The following KHDRBS2 variants were observed in gnomAD, a reference collection of about 807,000 sequenced individuals.
KHDRBS2 encodes KH domain-containing, RNA-binding, signal transduction-associated protein 2.
Under a neutral mutation model 44.3 loss-of-function variants are expected in KHDRBS2, and 26 were observed. The observed-to-expected ratio is 0.59, with a 90% CI of 0.43 to 0.81. The LOEUF (loss-of-function observed/expected upper bound fraction) is 0.81, where lower values mean the gene tolerates loss of function less well. KHDRBS2 is among the 40% of genes least tolerant of loss of function. The probability of loss-of-function intolerance (pLI) is 0.00; values close to 1 mark genes in which losing one functional copy is unlikely to be tolerated. For synonymous variants in KHDRBS2, 194 were observed against 151.1 expected, an observed-to-expected ratio of 1.28 and a Z score of -2.08; for missense variants, 476 against 433.1, an observed-to-expected ratio of 1.10 and a Z score of -0.88.
chr6:61,946,667 T>C (rs1813423838), intron 4 of KHDRBS2, among the ~76,000 whole-genome samples: 1 of 152,162 alleles, frequency 6.6e-6, no homozygotes, highest in African/African-American at 2.4e-5. Context: ...TGGCAAGCTA[T>C]GACCATCGCT....
At chr6:61,759,521 AG>A (rs1317930935) in intron 6 of KHDRBS2, among the ~76,000 whole-genome samples, 2 of 152,204 alleles carry the variant, frequency 1.3e-5, no homozygotes, top group South Asian at 2.1e-4. Context: ...TTATTTTTGA[AG>A]GGTTTTTTTT....
chr6:62,071,908 T>C (rs1023110395), intron 2 of KHDRBS2, among the ~76,000 whole-genome samples: 11 of 152,194 alleles, frequency 7.2e-5, no homozygotes, highest in African/African-American at 2.2e-4. Context: ...GGGGATGGCA[T>C]TGAATCTATA....
intron 2 of KHDRBS2, among the ~76,000 whole-genome samples, chr6:62,108,191 C>T (rs900808641): frequency 6.6e-6 from 1 of 152,018 alleles, no homozygotes; most frequent in Non-Finnish European, 1.5e-5. Flanking sequence ...TCGCAACCTA[C>T]TCATCTGACA....
intron 4 of KHDRBS2, among the ~76,000 whole-genome samples, chr6:61,954,444 T>C (rs1196663857): frequency 2.1e-5 from 3 of 144,308 alleles, no homozygotes; most frequent in African/African-American, 7.5e-5. Context: ...TGCATACATA[T>C]ATACGTATGT....
chr6:62,065,975 G>A (rs1223766674), intron 2 of KHDRBS2, among the ~76,000 whole-genome samples: 6 of 151,402 alleles, frequency 4.0e-5, no homozygotes, highest in Admixed American at 1.3e-4. Flanking sequence ...CTTTCATAGA[G>A]ACATCTAAAG....
chr6:61,691,045 T>C (rs1202039763), intron 8 of KHDRBS2, among the ~76,000 whole-genome samples: 2 of 151,988 alleles, frequency 1.3e-5, no homozygotes, highest in Non-Finnish European at 2.9e-5. Flanking sequence ...TCTCCAAAGG[T>C]TGTGATAGAT....
In KHDRBS2 at chr6:61,889,380, C is replaced by T. The variant is rs542356753; in HGVS notation, c.810+5255G>A. On this transcript the variant is annotated intron_variant, in intron 6 of 8. Coordinates refer to ENST00000281156, the MANE Select transcript of KHDRBS2 (RefSeq NM_152688.4). ...CCCAGTGACACTCAGGAATCTCAAA[C>T]TGAACCTTCAACTTCCCTCGTGATA... Among the ~76,000 whole-genome samples, 13 of 152,300 alleles carry T rather than the reference C, an allele frequency of 8.5e-5. No individual in the cohort carries two copies. The South Asian group carries it at 2.5e-3, about 29-fold the overall frequency.
At chr6:61,786,425 C>G (rs182704800) in intron 6 of KHDRBS2, among the ~76,000 whole-genome samples, 45 of 152,002 alleles carry the variant, frequency 3.0e-4, no homozygotes, top group Admixed American at 1.6e-3. Context: ...AACACATGTT[C>G]ATTGGAGAAA....
At chr6:61,816,414 G>A (rs9453116) in intron 6 of KHDRBS2, among the ~76,000 whole-genome samples, 1,761 of 152,114 alleles carry the variant, frequency 0.012, 41 homozygotes, top group African/African-American at 0.041. Context: ...GAGAATACAT[G>A]TGTAGACAGA....
chr6:62,050,450 GA>G (rs774252795), intron 2 of KHDRBS2, among the ~76,000 whole-genome samples: 19 of 148,494 alleles, frequency 1.3e-4, no homozygotes, highest in African/African-American at 3.5e-4. Context: ...AAGGGGGTGA[GA>G]AAAAAAAGCC....
At chr6:61,817,029 G>C in intron 6 of KHDRBS2, 1 of 455,326 alleles carries the variant, frequency 2.2e-6, no homozygotes. Context: ...GAGAGGTACA[G>C]AGGTATGAGT....
At chr6:61,617,633 A>G in the KHDRBS2 span, among the ~76,000 whole-genome samples, 1 of 139,748 alleles carries the variant, frequency 7.2e-6, no homozygotes, top group Non-Finnish European at 1.5e-5. Flanking sequence ...ACTGAAAAAG[A>G]CTGATTTTTT....
chr6:61,969,273 T>C (rs1177924922), intron 4 of KHDRBS2, among the ~76,000 whole-genome samples: 1 of 152,078 alleles, frequency 6.6e-6, no homozygotes, highest in Non-Finnish European at 1.5e-5. Flanking sequence ...GGACATCATC[T>C]AGGTTCTAGA....
intron 7 of KHDRBS2, among the ~76,000 whole-genome samples, chr6:61,708,585 T>A (rs1237239016): frequency 6.6e-6 from 1 of 151,602 alleles, no homozygotes; most frequent in East Asian, 1.9e-4. Context: ...ATGCATTCAA[T>A]GAATAATGTT....
At chr6:62,129,951 T>C (rs1452702910) in intron 2 of KHDRBS2, among the ~76,000 whole-genome samples, 1 of 152,174 alleles carries the variant, frequency 6.6e-6, no homozygotes, top group African/African-American at 2.4e-5. Context: ...GCTGAGATTA[T>C]TTGTATATAA....
intron 6 of KHDRBS2, among the ~76,000 whole-genome samples, chr6:61,772,609 C>G (rs570936893): frequency 3.9e-5 from 6 of 151,906 alleles, no homozygotes; most frequent in African/African-American, 1.4e-4. Flanking sequence ...CAAGACTAAA[C>G]CAGGAAGAAG....
At chr6:61,563,779 C>T in the KHDRBS2 span, among the ~76,000 whole-genome samples, 1 of 151,978 alleles carries the variant, frequency 6.6e-6, no homozygotes, top group Admixed American at 6.6e-5. Flanking sequence ...ATAGAAAGTA[C>T]ATTATACAGC....
At chr6:62,278,331 CTTGTACAG>C (rs1451609147) in intron 1 of KHDRBS2, among the ~76,000 whole-genome samples, 1 of 152,112 alleles carries the variant, frequency 6.6e-6, no homozygotes, top group African/African-American at 2.4e-5. Context: ...ACTTCCTCCC[CTTGTACAG>C]CTGCTGTGGG....
intron 3 of KHDRBS2, among the ~76,000 whole-genome samples, chr6:62,043,089 G>T (rs1786902928): frequency 6.6e-6 from 1 of 152,008 alleles, no homozygotes; most frequent in African/African-American, 2.4e-5. Flanking sequence ...TCTTGTCTGG[G>T]TGTGTTCAGC....
Sources: gnomAD v4.1 joint callset for allele counts (sites outside exome capture counted in the v4.1 genomes callset) on GRCh38, gnomAD v4.1.1 for gene constraint, MANE v1.5 for transcripts, NCBI Gene and HGNC (gene_info 2026-07-23, HGNC 2026-07-21) for gene names.